Variants in RBFOX3 observed in about 807,000 individuals in gnomAD.
The protein encoded by RBFOX3 is RNA binding fox-1 homolog 3.
Under a neutral mutation model 48.7 loss-of-function variants are expected in RBFOX3, and 17 were observed. That is an observed-to-expected ratio of 0.35 (90% CI 0.24 to 0.52). The LOEUF (loss-of-function observed/expected upper bound fraction) is 0.52, where lower values mean the gene tolerates loss of function less well. Ranked by LOEUF, RBFOX3 falls within the 20% of genes least tolerant of loss-of-function variation. The pLI, the probability that RBFOX3 is intolerant of heterozygous loss-of-function variation, is 0.94. For missense variants in RBFOX3, 382 were observed against 497.5 expected, an observed-to-expected ratio of 0.77 and a Z score of 2.21; for synonymous variants, 212 against 209.5, an observed-to-expected ratio of 1.01 and a Z score of -0.10.
At position 79,363,121 on chromosome 17, in the gene RBFOX3, C is replaced by T. The variant is rs1050473779; in HGVS notation, c.-174-55297G>A. Among the ~76,000 whole-genome samples the T allele has an allele frequency of 2.0e-5, 3 of 152,148 alleles. No homozygotes were observed. Among genetic ancestry groups the T allele is most frequent in the African/African-American group, 4.8e-5 (2 of 41,434 alleles). On this transcript the variant is annotated intron_variant, in intron 2 of 14. Transcript: ENST00000693108. This position sits in a 1 kb window ranked among gnomAD's most constrained non-coding sequence, Gnocchi z 4.7. ...GCCATAGTGAGCCGCAGGGGAGGCA[C>T]GTGGCTCCTGCAGGGGAGATGGAGG... is the stretch of plus-strand genomic sequence containing the variant.
intron 4 of RBFOX3, among the ~76,000 whole-genome samples, chr17:79,168,211 A>G (rs917395437): frequency 2.6e-5 from 4 of 152,150 alleles, no homozygotes; most frequent in Middle Eastern, 3.2e-3. Context: ...GGCCCTAAAG[A>G]GGCAGGTGCG....
At chr17:79,093,790 G>GA (rs1568110646) in intron 14 of RBFOX3, among the ~76,000 whole-genome samples, 54 of 76,486 alleles carry the variant, frequency 7.1e-4, no homozygotes, top group African/African-American at 1.3e-3. Context: ...TCAACAGCTG[G>GA]CCACACACAC....
intron 3 of RBFOX3, among the ~76,000 whole-genome samples, chr17:79,292,158 C>T (rs9906525): frequency 0.4 from 60,569 of 151,800 alleles, 12,549 homozygotes; most frequent in Middle Eastern, 0.5. Flanking sequence ...AGAGGGGTTG[C>T]CTGAAAACCA....
chr17:79,573,453 A>C (rs2092750694), intron 1 of RBFOX3, among the ~76,000 whole-genome samples: 1 of 152,138 alleles, frequency 6.6e-6, no homozygotes, highest in Admixed American at 6.5e-5. Context: ...AGGGGCTTCC[A>C]GGCTGAGCAC....
At chr17:79,255,362 TGA>T (rs928272910) in intron 3 of RBFOX3, among the ~76,000 whole-genome samples, 2 of 151,924 alleles carry the variant, frequency 1.3e-5, no homozygotes, top group African/African-American at 4.8e-5. Context: ...GTGACACCGT[TGA>T]GAGACACGTG....
At chr17:79,368,568 G>A (rs1284333943) in intron 2 of RBFOX3, among the ~76,000 whole-genome samples, 1 of 152,200 alleles carries the variant, frequency 6.6e-6, no homozygotes, top group African/African-American at 2.4e-5. Flanking sequence ...TGAGAAGCCC[G>A]TGGGTGGGTG....
In RBFOX3 at chr17:79,264,392, C is replaced by T. The variant is rs567946122; in HGVS notation, c.-73-28587G>A. ...AGCCTGGCTTTTTTTTTTTTAAAGA[C>T]GGGGGTCTCACTATGTTATCCAGGC... On this transcript the variant is annotated intron_variant, in intron 3 of 14. Transcript: ENST00000693108. 2.7e-4 allele frequency among the ~76,000 whole-genome samples: 40 copies of T among 149,882 alleles called. 1 individual carries two copies. Among genetic ancestry groups the T allele is most frequent in the Non-Finnish European group, 4.6e-4 (31 of 67,590 alleles).
chr17:79,280,122 A>G (rs1273792921), intron 3 of RBFOX3, among the ~76,000 whole-genome samples: 1 of 150,060 alleles, frequency 6.7e-6, no homozygotes, highest in Non-Finnish European at 1.5e-5. Flanking sequence ...GCACACACAC[A>G]CGCACATACA....
intron 1 of RBFOX3, among the ~76,000 whole-genome samples, chr17:79,501,820 G>A (rs2149738798): frequency 6.6e-6 from 1 of 152,304 alleles, no homozygotes; most frequent in South Asian, 2.1e-4. Context: ...GTTATTCTTA[G>A]AAACTGCCCT....
At chr17:79,329,550 A>T (rs1393345694) in intron 2 of RBFOX3, among the ~76,000 whole-genome samples, 1 of 152,108 alleles carries the variant, frequency 6.6e-6, no homozygotes. Flanking sequence ...ACCTGAAATT[A>T]TTCCACACCG....
intron 2 of RBFOX3, among the ~76,000 whole-genome samples, chr17:79,450,711 C>T (rs1055797524): frequency 1.5e-4 from 23 of 152,120 alleles, no homozygotes; most frequent in Admixed American, 1.4e-3. Flanking sequence ...AGCAACTCAT[C>T]GTGATCCAAA....
intron 2 of RBFOX3, among the ~76,000 whole-genome samples, chr17:79,338,945 G>C (rs984145029): frequency 6.6e-6 from 1 of 152,212 alleles, no homozygotes; most frequent in Admixed American, 6.5e-5. Flanking sequence ...ACTAGTGAGA[G>C]GGAAGGAGGC....
chr17:79,533,350 G>A (rs186378980), intron 1 of RBFOX3, among the ~76,000 whole-genome samples: 14 of 152,328 alleles, frequency 9.2e-5, no homozygotes, highest in African/African-American at 3.4e-4. Context: ...ATTGGCTGGC[G>A]GCGGCAGAAC....
At chr17:79,233,309 A>G (rs1316248979) in intron 4 of RBFOX3, among the ~76,000 whole-genome samples, 1 of 152,222 alleles carries the variant, frequency 6.6e-6, no homozygotes, top group Non-Finnish European at 1.5e-5. Context: ...TACATATTCT[A>G]CAGCGACAAG....
chr17:79,346,764 C>T (rs897894937), intron 2 of RBFOX3, among the ~76,000 whole-genome samples: 13 of 152,238 alleles, frequency 8.5e-5, no homozygotes, highest in Middle Eastern at 3.4e-3. Context: ...TACATTTTGC[C>T]TGTATAAGTC....
Position 79,303,966 on chromosome 17 carries a change from G to A in RBFOX3, c.-74+3758C>T, listed in dbSNP as rs535392627. On this transcript the variant is annotated intron_variant, in intron 3 of 14. Coordinates refer to ENST00000693108, the MANE Select transcript of RBFOX3 (RefSeq NM_001350451.2). ...GAACATGAAGCCAGATGCACCACCC[G>A]CTATGGAGCTGCCTGCGACTTGGGG... 2.7e-3 allele frequency among the ~76,000 whole-genome samples: 411 copies of A among 152,218 alleles called. 3 individuals are homozygous for A. The highest frequency in any genetic ancestry group is 3.4e-3 in the Middle Eastern group (1 of 294).
chr17:79,447,974 G>A (rs2072682376), intron 2 of RBFOX3, among the ~76,000 whole-genome samples: 1 of 152,160 alleles, frequency 6.6e-6, no homozygotes, highest in Admixed American at 6.5e-5. Flanking sequence ...TTGAAAGTGT[G>A]TAGCACCTCC....
chr17:79,303,373 G>A (rs538684272), intron 3 of RBFOX3, among the ~76,000 whole-genome samples: 1 of 152,178 alleles, frequency 6.6e-6, no homozygotes, highest in Admixed American at 6.5e-5. Context: ...TCGTCTGAGT[G>A]GTCTTGGGGA....
intron 4 of RBFOX3, among the ~76,000 whole-genome samples, chr17:79,141,850 C>T (rs747778055): frequency 6.6e-6 from 1 of 152,208 alleles, no homozygotes; most frequent in Non-Finnish European, 1.5e-5. Flanking sequence ...TGAGCGTTAT[C>T]TATAAGAACC....
Sources: allele counts gnomAD v4.1 joint callset (sites outside exome capture counted in the v4.1 genomes callset), GRCh38; gene constraint gnomAD v4.1.1; non-coding constraint Gnocchi (gnomAD v3.1); transcripts MANE v1.5; gene names NCBI Gene and HGNC (gene_info 2026-07-23, HGNC 2026-07-21).